TRIM33: variants seen among roughly 807,000 people sequenced by gnomAD.
The protein encoded by TRIM33 is tripartite motif containing 33, also known as E3 ubiquitin-protein ligase TRIM33.
Under a neutral mutation model 125.4 loss-of-function variants are expected in TRIM33, and 20 were observed. That is an observed-to-expected ratio of 0.16 (90% confidence interval 0.11 to 0.23). The LOEUF (loss-of-function observed/expected upper bound fraction) is 0.23, where lower values mean the gene tolerates loss of function less well. TRIM33 is among the 10% of genes least tolerant of loss of function. The pLI is 1.00. For synonymous variants in TRIM33, 564 were observed against 513.9 expected, an observed-to-expected ratio of 1.10 and a Z score of -1.32; for missense variants, 920 against 1,411.4, an observed-to-expected ratio of 0.65 and a Z score of 5.58.
At chr1:114,437,415 T>C (rs936335845) in intron 4 of TRIM33, among the ~76,000 whole-genome samples, 2 of 152,196 alleles carry the variant, frequency 1.3e-5, no homozygotes, top group East Asian at 1.9e-4. Context: ...TTCGGCTCAC[T>C]GCAACTTGTA....
intron 1 of TRIM33, among the ~76,000 whole-genome samples, chr1:114,477,478 C>A (rs953583883): frequency 6.6e-6 from 1 of 152,124 alleles, no homozygotes; most frequent in African/African-American, 2.4e-5. Context: ...AATCTCAACC[C>A]CTTCAGAGCT....
chr1:114,401,368 C>T (rs1557841084), intron 17 of TRIM33, 21 bp downstream of exon 17: 2 of 1,604,224 alleles, frequency 1.2e-6, no homozygotes, highest in East Asian at 4.5e-5. Context: ...CCCCACCGAG[C>T]TACTAAGGTA....
intron 16 of TRIM33, 93 bp downstream of exon 16, chr1:114,402,667 G>T: frequency 7.3e-7 from 1 of 1,369,708 alleles, no homozygotes; most frequent in Non-Finnish European, 9.9e-7. Flanking sequence ...AATGTTATCA[G>T]GTTTTGTGTA....
At chr1:114,450,074 A>G (rs1180926824) in intron 4 of TRIM33, among the ~76,000 whole-genome samples, 1 of 152,110 alleles carries the variant, frequency 6.6e-6, no homozygotes. Context: ...TTATTCTCAC[A>G]TTGATTTATA....
At chr1:114,400,423 T>C (rs1651803158) in intron 17 of TRIM33, among the ~76,000 whole-genome samples, 1 of 152,168 alleles carries the variant, frequency 6.6e-6, no homozygotes, top group Admixed American at 6.5e-5. Flanking sequence ...AGGCTGGTCT[T>C]GAACTCCTGA....
Position 114,426,977 on chromosome 1 carries a change from C to T in TRIM33, c.1420+200G>A, listed in dbSNP as rs917554244. Among the ~76,000 whole-genome samples, 9 of 152,116 alleles carry T rather than the reference C, an allele frequency of 5.9e-5. 1 individual carries two copies. Among genetic ancestry groups the T allele is most frequent in the East Asian group, 3.8e-4 (2 of 5,200 alleles). On this transcript the variant is annotated intron_variant, in intron 8 of 19. Transcript: ENST00000358465. ...ATTAAAAAACAATATACAGAGTAGA[C>T]GCTCAACTTTCTTAAGATGTAATAA...
intron 12 of TRIM33, 79 bp downstream of exon 12, chr1:114,410,105 T>A: frequency 1.3e-6 from 2 of 1,525,788 alleles, no homozygotes; most frequent in Non-Finnish European, 1.8e-6. Flanking sequence ...TCTGTTTTTC[T>A]GGAGAATTCT....
intron 4 of TRIM33, among the ~76,000 whole-genome samples, chr1:114,446,683 AAAAC>A (rs1649001894): frequency 6.6e-6 from 1 of 152,234 alleles, no homozygotes; most frequent in Non-Finnish European, 1.5e-5. Flanking sequence ...AGAGAAATAA[AAAAC>A]AAATACTAAA....
intron 1 of TRIM33, among the ~76,000 whole-genome samples, chr1:114,493,974 A>G (rs905611619): frequency 7.2e-5 from 11 of 151,828 alleles, no homozygotes; most frequent in Non-Finnish European, 1.5e-4. Context: ...ACAAGCATGC[A>G]CCACCACGCC....
intron 1 of TRIM33, among the ~76,000 whole-genome samples, chr1:114,493,117 T>C (rs1419039671): frequency 1.3e-5 from 2 of 152,206 alleles, no homozygotes; most frequent in African/African-American, 4.8e-5. Context: ...TGGTATCTCC[T>C]TGTGGTTTTG....
chr1:114,472,750 A>C (rs1650728750), intron 1 of TRIM33, among the ~76,000 whole-genome samples: 1 of 152,082 alleles, frequency 6.6e-6, no homozygotes, highest in African/African-American at 2.4e-5. Flanking sequence ...AAAACAAAAC[A>C]CAGAGGAAGG....
At chr1:114,442,030 G>A (rs552566443) in intron 4 of TRIM33, among the ~76,000 whole-genome samples, 22 of 152,212 alleles carry the variant, frequency 1.4e-4, no homozygotes, top group African/African-American at 5.1e-4. Context: ...GAACTATTAC[G>A]GAACCAAATA....
At chr1:114,496,305 C>T (rs1652363722) in intron 1 of TRIM33, among the ~76,000 whole-genome samples, 1 of 152,158 alleles carries the variant, frequency 6.6e-6, no homozygotes, top group Non-Finnish European at 1.5e-5. Context: ...ATTAATAAAC[C>T]ACACATGGAT....
At chr1:114,399,089 CAAT>C (rs1208912678) in intron 18 of TRIM33, among the ~76,000 whole-genome samples, 1 of 151,886 alleles carries the variant, frequency 6.6e-6, no homozygotes, top group Non-Finnish European at 1.5e-5. Context: ...TTCATGTTGT[CAAT>C]AATAAAATGC....
intron 1 of TRIM33, among the ~76,000 whole-genome samples, chr1:114,507,787 G>A (rs1039221738): frequency 3.3e-5 from 5 of 152,164 alleles, no homozygotes; most frequent in Non-Finnish European, 7.3e-5. Flanking sequence ...GTATATAGGA[G>A]TTAATACTGA....
At chr1:114,498,376 G>A (rs1652502057) in intron 1 of TRIM33, among the ~76,000 whole-genome samples, 1 of 152,114 alleles carries the variant, frequency 6.6e-6, no homozygotes, top group African/African-American at 2.4e-5. Context: ...GGCCAGGTGC[G>A]GTGGCTCACG....
rs1009671072 is a variant in TRIM33 at position 114,501,062 on chromosome 1, C to T, written c.526+9489G>A. Among the ~76,000 whole-genome samples the T allele has an allele frequency of 2.6e-5, 3 of 113,942 alleles. 1 individual carries two copies. The highest frequency in any genetic ancestry group is 5.5e-5 in the Non-Finnish European group (3 of 54,776). 74.8% of individuals were successfully genotyped at this position (113,942 alleles called of 152,430 possible). ...AAAATTAGCCGGGCGTAGTGGCGGG[C>T]GCCTGTAGTCCCAGCTACTTGGGAG... On this transcript the variant is annotated intron_variant, in intron 1 of 19. Coordinates refer to ENST00000358465, the MANE Select transcript of TRIM33 (RefSeq NM_015906.4).
intron 1 of TRIM33, among the ~76,000 whole-genome samples, chr1:114,479,038 A>G (rs1453769244): frequency 6.6e-6 from 1 of 152,192 alleles, no homozygotes. Context: ...AACAAGAGTG[A>G]AACTCTATCT....
In TRIM33 at chr1:114,395,167, G is replaced by C; in HGVS notation, c.*2481C>G. On this transcript the variant is annotated 3_prime_UTR_variant, in exon 20 of 20. Transcript: ENST00000358465. ...ACAACGATCAGTGTGCAAGAAAAAA[G>C]CTTTAATAAAAAATCTAAAGTGAAT... is the stretch of plus-strand genomic sequence containing the variant. 1 of 201,834 alleles carries C rather than the reference G, an allele frequency of 5.0e-6. No homozygotes were observed. The highest frequency in any genetic ancestry group is 1.0e-5 in the Non-Finnish European group (1 of 98,254). 12.5% of individuals were successfully genotyped at this position (201,834 alleles called of 1,614,324 possible).
Sources: gnomAD v4.1 joint callset for allele counts (sites outside exome capture counted in the v4.1 genomes callset) on GRCh38, gnomAD v4.1.1 for gene constraint, MANE v1.5 for transcripts, NCBI Gene and HGNC (gene_info 2026-07-23, HGNC 2026-07-21) for gene names.